The following EYS variants were observed in gnomAD, a reference collection of about 807,000 sequenced individuals.
The protein encoded by EYS is EGF-like photoreceptor maintenance factor.
Under a neutral mutation model 282.1 loss-of-function variants are expected in EYS, and 250 were observed. That is an observed-to-expected ratio of 0.89 (90% CI 0.80 to 0.98). The LOEUF (loss-of-function observed/expected upper bound fraction) is 0.98. EYS is among the 50% of genes least tolerant of loss of function. The pLI, the probability that EYS is intolerant of heterozygous loss-of-function variation, is 0.00. For synonymous variants in EYS, 1,355 were observed against 1,282.9 expected (o/e 1.06, Z -1.20); for missense variants, 4,016 against 3,709.0 (o/e 1.08, Z -2.15).
intron 2 of EYS, among the ~76,000 whole-genome samples, chr6:65,617,635 C>T (rs1161521965): frequency 6.6e-6 from 1 of 151,524 alleles, no homozygotes; most frequent in Non-Finnish European, 1.5e-5. Flanking sequence ...ATGTGCCATG[C>T]TGGTGCGCTG....
chr6:65,434,166 C>T (rs944514147), intron 5 of EYS, among the ~76,000 whole-genome samples: 2 of 152,100 alleles, frequency 1.3e-5, no homozygotes, highest in African/African-American at 4.8e-5. Flanking sequence ...AAGAACTAAG[C>T]TTTGCTAAGA....
intron 11 of EYS, among the ~76,000 whole-genome samples, chr6:65,316,139 C>A (rs1321584139): frequency 6.6e-6 from 1 of 152,098 alleles, no homozygotes; most frequent in Non-Finnish European, 1.5e-5. Flanking sequence ...TATCTGGATG[C>A]AAGTCTTTTG....
rs556655904 is a variant in EYS, at chr6:64,976,323, G to C, written c.2259+21259C>G. ...GCCATGCCTTACTATTTTACATATT[G>C]GCCTATTTTATAATTCAGAGTGGTG... is the stretch of plus-strand genomic sequence containing the variant. On this transcript the variant is annotated intron_variant, in intron 14 of 42. Transcript: ENST00000503581. Among the ~76,000 whole-genome samples, 371 of 151,526 alleles carry C rather than the reference G, an allele frequency of 2.4e-3. 2 individuals are homozygous for C. The highest frequency in any genetic ancestry group is 8.5e-3 in the African/African-American group (350 of 41,330).
chr6:64,518,418 A>C (rs1777627056), intron 26 of EYS, among the ~76,000 whole-genome samples: 1 of 151,780 alleles, frequency 6.6e-6, no homozygotes, highest in Middle Eastern at 3.4e-3. Flanking sequence ...GCATACTCTG[A>C]GTCTATGTCT....
intron 41 of EYS, among the ~76,000 whole-genome samples, chr6:63,756,182 G>C (rs1262302538): frequency 6.6e-6 from 1 of 152,194 alleles, no homozygotes; most frequent in Admixed American, 6.5e-5. Context: ...GGAGTGGTGA[G>C]AGAGAGCATC....
chr6:64,339,574 T>C (rs112768390), intron 29 of EYS, among the ~76,000 whole-genome samples: 35 of 152,018 alleles, frequency 2.3e-4, no homozygotes, highest in African/African-American at 7.2e-4. Context: ...AGTGTGGAGA[T>C]TCTTTAAAGA....
intron 32 of EYS, among the ~76,000 whole-genome samples, chr6:64,067,571 C>A (rs1314204900): frequency 1.3e-5 from 2 of 152,058 alleles, no homozygotes; most frequent in Non-Finnish European, 2.9e-5. Context: ...CTTGAGAGAC[C>A]ATATTCACAT....
At chr6:65,633,213 A>C (rs1766980186) in intron 2 of EYS, among the ~76,000 whole-genome samples, 1 of 152,170 alleles carries the variant, frequency 6.6e-6, no homozygotes, top group Admixed American at 6.5e-5. Flanking sequence ...TCTTCTAGTA[A>C]TTCACATCTG....
rs540806202 is a variant in EYS at position 65,232,660 on chromosome 6, G to A, written c.2023+63203C>T. On this transcript the variant is annotated intron_variant, in intron 12 of 42. Transcript: ENST00000503581. ...TAATGAAAATAGTGATTTATTAACT[G>A]AAGTCCATACTTGATTTAGCTTCTG... Among the ~76,000 whole-genome samples the A allele has an allele frequency of 2.0e-5, 3 of 152,122 alleles. No individual in the cohort carries two copies. The South Asian group carries it at 6.2e-4, about 32-fold the overall frequency.
chr6:65,561,938 CA>C (rs1380467464), intron 2 of EYS, among the ~76,000 whole-genome samples: 1 of 151,280 alleles, frequency 6.6e-6, no homozygotes. Context: ...TATAAAAATA[CA>C]GTATTTTAAT....
chr6:65,258,411 C>A (rs114775920), intron 12 of EYS, among the ~76,000 whole-genome samples: 84 of 152,086 alleles, frequency 5.5e-4, no homozygotes, highest in African/African-American at 2.0e-3. Context: ...TTGTGGGATA[C>A]AGGATTCCTG....
chr6:64,187,313 A>G (rs1764975604), intron 31 of EYS, among the ~76,000 whole-genome samples: 2 of 152,044 alleles, frequency 1.3e-5, no homozygotes, highest in Non-Finnish European at 2.9e-5. Context: ...CTTCCCTTTA[A>G]ACCTTCTAAT....
intron 35 of EYS, among the ~76,000 whole-genome samples, chr6:63,983,864 G>A (rs1562131948): frequency 6.6e-6 from 1 of 151,612 alleles, no homozygotes. Context: ...AAGTTTATAA[G>A]CATGATAAAT....
intron 11 of EYS, among the ~76,000 whole-genome samples, chr6:65,297,223 A>G (rs1768692562): frequency 6.6e-6 from 1 of 151,918 alleles, no homozygotes; most frequent in Non-Finnish European, 1.5e-5. Flanking sequence ...TTAAAGTATC[A>G]TGATTTTCAA....
chr6:64,559,255 A>ATGTG (rs893141727), intron 26 of EYS, among the ~76,000 whole-genome samples: 14 of 132,120 alleles, frequency 1.1e-4, no homozygotes, highest in Non-Finnish European at 1.5e-4. Flanking sequence ...CCTTCTTTGT[A>ATGTG]TGTGTGTGTG....
intron 22 of EYS, among the ~76,000 whole-genome samples, chr6:64,642,659 G>A (rs965998528): frequency 1.3e-5 from 2 of 152,176 alleles, no homozygotes; most frequent in African/African-American, 4.8e-5. Flanking sequence ...TGAGTAGCCA[G>A]GGTTCCTGCC....
At chr6:64,488,460 C>G (rs1025164521) in intron 26 of EYS, among the ~76,000 whole-genome samples, 3 of 151,054 alleles carry the variant, frequency 2.0e-5, no homozygotes, top group African/African-American at 7.3e-5. Context: ...ACCCAGTTTA[C>G]TGTGTTGTAA....
chr6:64,975,973 G>T (rs761235433), intron 14 of EYS, among the ~76,000 whole-genome samples: 6 of 151,704 alleles, frequency 4.0e-5, no homozygotes, highest in East Asian at 1.9e-4. Flanking sequence ...TATCTATAGA[G>T]AAATAGCTGC....
In EYS at chr6:64,702,505, A is replaced by G. The variant is rs57918783; in HGVS notation, c.3444-76260T>C. ...CAAATTTATGTACTTTATGTAATCA[A>G]TTCAGAACATCGTCAAGATCAGATT... On this transcript the variant is annotated intron_variant, in intron 22 of 42. Coordinates refer to ENST00000503581, the MANE Select transcript of EYS (RefSeq NM_001142800.2). Among the ~76,000 whole-genome samples the G allele has an allele frequency of 7.8e-3, 1,194 of 152,182 alleles. 11 individuals are homozygous for G. The highest frequency in any genetic ancestry group is 0.027 in the African/African-American group (1,108 of 41,552).
Sources: allele counts gnomAD v4.1 joint callset (sites outside exome capture counted in the v4.1 genomes callset), GRCh38; gene constraint gnomAD v4.1.1; transcripts MANE v1.5; gene names NCBI Gene and HGNC (gene_info 2026-07-23, HGNC 2026-07-21).